The following CNMD variants were observed in gnomAD, a reference collection of about 807,000 sequenced individuals.
CNMD encodes chondromodulin.
A neutral mutation model predicts 37.5 loss-of-function variants in CNMD; 30 were observed. The observed-to-expected ratio is 0.80, with a 90% CI of 0.60 to 1.09. The LOEUF (loss-of-function observed/expected upper bound fraction) is 1.09, where lower values mean the gene tolerates loss of function less well. CNMD is among the 50% of genes least tolerant of loss of function. The probability of loss-of-function intolerance (pLI) is 0.00; values close to 1 mark genes in which losing one functional copy is unlikely to be tolerated. For synonymous variants in CNMD, 167 were observed against 148.2 expected (o/e 1.13, Z -0.92); for missense variants, 398 against 423.9 (o/e 0.94, Z 0.54).
intron 2 of CNMD, among the ~76,000 whole-genome samples, chr13:52,736,485 T>TC (rs35863816): frequency 6.6e-6 from 1 of 152,010 alleles, no homozygotes; most frequent in Admixed American, 6.6e-5. Flanking sequence ...AGTGAAGCTG[T>TC]CCCCCTCCTG....
Position 52,703,499 on chromosome 13 carries a change from A to G in CNMD, c.*96T>C, listed in dbSNP as rs891271512. Reference sequence around the variant, plus strand: ...AACCGCTCAGGTTGAGTGTAAAAATATTTTGTGGTCCTATCAGCATCAACC... The same window carrying G: ...AACCGCTCAGGTTGAGTGTAAAAATGTTTTGTGGTCCTATCAGCATCAACC... On this transcript the variant is annotated 3_prime_UTR_variant, in exon 7 of 7. Transcript: ENST00000377962. 2.5e-6 allele frequency: 2 copies of G among 801,378 alleles called. No individual in the cohort carries two copies. Among genetic ancestry groups the G allele is most frequent in the Admixed American group, 4.6e-5 (2 of 43,288 alleles). The allele number at this position is 801,378 out of a possible 1,614,324, so 49.6% of individuals were successfully genotyped here.
intron 3 of CNMD, among the ~76,000 whole-genome samples, chr13:52,730,697 A>T (rs1027533747): frequency 6.6e-6 from 1 of 152,100 alleles, no homozygotes; most frequent in Non-Finnish European, 1.5e-5. Flanking sequence ...GCTTTTTGTT[A>T]TATAAATGGG....
chr13:52,738,633 A>C (rs2138287184), intron 2 of CNMD, among the ~76,000 whole-genome samples: 1 of 152,160 alleles, frequency 6.6e-6, no homozygotes, highest in South Asian at 2.1e-4. Context: ...TGGATTTTAA[A>C]CCCACAGCCT....
In CNMD at chr13:52,731,721, A is replaced by G. The variant is rs182820926; in HGVS notation, c.354+1498T>C. Reference sequence around the variant, plus strand: ...TCTCAAGAAAGATGAATCGTTTCTTATTCGTCTTTGTAGCTCCCTTTGCAT... The same window carrying G: ...TCTCAAGAAAGATGAATCGTTTCTTGTTCGTCTTTGTAGCTCCCTTTGCAT... On this transcript the variant is annotated intron_variant, in intron 3 of 6. Transcript: ENST00000377962. Among the ~76,000 whole-genome samples, 341 of 152,368 alleles carry G rather than the reference A, an allele frequency of 2.2e-3. 1 individual carries two copies. The highest frequency in any genetic ancestry group is 6.4e-3 in the African/African-American group (266 of 41,584).
chr13:52,737,002 T>G (rs1964778866), intron 2 of CNMD, among the ~76,000 whole-genome samples: 1 of 152,176 alleles, frequency 6.6e-6, no homozygotes, highest in Non-Finnish European at 1.5e-5. Context: ...CCAGCTAAAT[T>G]TCAGTAAACC....
chr13:52,739,133 C>G lies in CNMD; in HGVS notation c.111G>C (p.Ala37=). 1 of 1,552,058 alleles carries G rather than the reference C, an allele frequency of 6.4e-7. No homozygotes were observed. Among genetic ancestry groups the G allele is most frequent in the Non-Finnish European group, 8.7e-7 (1 of 1,155,330 alleles). ...CCACGGCTCCCACCTTGAGCAGCCG[C>G]GCGGGGCTGGAGGGCTTCACCGTCA... is the stretch of plus-strand genomic sequence containing the variant. ...ATLTVKPSSP[A]RLLKVGAVVL... Residue 37 remains alanine (A), a synonymous_variant, in exon 2 of 7, where the codon GCG becomes GCC. Coordinates refer to ENST00000377962, the MANE Select transcript of CNMD (RefSeq NM_007015.3). This position sits in a 1 kb window ranked among gnomAD's most constrained non-coding sequence, Gnocchi z 5.4.
At chr13:52,708,963 C>T (rs1157629777) in intron 5 of CNMD, among the ~76,000 whole-genome samples, 1 of 152,106 alleles carries the variant, frequency 6.6e-6, no homozygotes, top group Non-Finnish European at 1.5e-5. Flanking sequence ...AACCTCAAGA[C>T]CACCTCCCCC....
intron 5 of CNMD, among the ~76,000 whole-genome samples, chr13:52,710,045 G>A (rs1411574962): frequency 6.6e-6 from 1 of 152,132 alleles, no homozygotes; most frequent in African/African-American, 2.4e-5. Context: ...CTGTAAAATG[G>A]GGATAATAGT....
chr13:52,712,932 A>G, intron 4 of CNMD, 63 bp from the exon 5 acceptor site: 1 of 1,292,840 alleles, frequency 7.7e-7, no homozygotes, highest in East Asian at 2.5e-5. Flanking sequence ...ATTAAGAGTC[A>G]TGTGTTGCTA....
intron 3 of CNMD, 59 bp downstream of exon 3, chr13:52,733,160 T>G (rs752438233): frequency 6.3e-7 from 1 of 1,583,152 alleles, no homozygotes; most frequent in Non-Finnish European, 8.7e-7. Context: ...CCTCCTTGAA[T>G]TAGAAAAGTC....
At chr13:52,725,397 C>A (rs1285598764) in intron 3 of CNMD, among the ~76,000 whole-genome samples, 1 of 152,050 alleles carries the variant, frequency 6.6e-6, no homozygotes, top group African/African-American at 2.4e-5. Flanking sequence ...TGGTTCTGAA[C>A]TTTCCTTCTA....
At chr13:52,716,667 G>T (rs1012472728) in intron 4 of CNMD, among the ~76,000 whole-genome samples, 10 of 152,080 alleles carry the variant, frequency 6.6e-5, no homozygotes, top group African/African-American at 2.4e-4. Context: ...TAGATGTGTG[G>T]CATTATTTCT....
chr13:52,718,201 T>C (rs1401763903), intron 4 of CNMD, among the ~76,000 whole-genome samples: 1 of 152,178 alleles, frequency 6.6e-6, no homozygotes, highest in Non-Finnish European at 1.5e-5. Context: ...CCCCTTATCA[T>C]TTTTTATTGT....
Position 52,712,667 on chromosome 13 carries a change from G to A in CNMD, c.622+49C>T, listed in dbSNP as rs371805564. 42 of 1,316,434 alleles carry A rather than the reference G, an allele frequency of 3.2e-5. No individual in the cohort carries two copies. The Middle Eastern group carries it at 6.8e-4, about 21-fold the overall frequency. The allele number at this position is 1,316,434 out of a possible 1,614,324, so 81.5% of individuals were successfully genotyped here. On this transcript the variant is annotated intron_variant, in intron 5 of 6. Transcript: ENST00000377962. ...GGAGGGGGTTGGAGGAACCTCACAT[G>A]CATGAACAGGGAAAGTTGTAAACAG...
At chr13:52,736,039 G>A (rs1964755711) in intron 2 of CNMD, among the ~76,000 whole-genome samples, 1 of 151,024 alleles carries the variant, frequency 6.6e-6, no homozygotes, top group South Asian at 2.1e-4. Context: ...TGTCGCCCAG[G>A]CTGGAGTGCA....
In CNMD at chr13:52,739,337, G is replaced by A; in HGVS notation, c.73-166C>T. ...CCCTTTCGCCGCGCTCCCTCCCGAG[G>A]GTCCTTTGCAGTCGGGCGTGGAAGT... On this transcript the variant is annotated intron_variant, in intron 1 of 6. Coordinates refer to ENST00000377962, the MANE Select transcript of CNMD (RefSeq NM_007015.3). This position sits in a 1 kb window ranked among gnomAD's most constrained non-coding sequence, Gnocchi z 5.4. The A allele has an allele frequency of 1.2e-6, 1 of 843,898 alleles. No homozygotes were observed. Among genetic ancestry groups the A allele is most frequent in the East Asian group, 3.2e-5 (1 of 31,610 alleles). 52.3% of individuals were successfully genotyped at this position (843,898 alleles called of 1,614,324 possible). A position where few individuals can be genotyped will look rare whatever the true frequency, so the allele number is the denominator to read the frequency against.
chr13:52,705,164 C>CT (rs1438119938), intron 6 of CNMD, among the ~76,000 whole-genome samples: 3 of 152,096 alleles, frequency 2.0e-5, no homozygotes, highest in African/African-American at 7.2e-5. Flanking sequence ...GTCAAATTTG[C>CT]TTTTCCCCTT....
At chr13:52,714,021 T>G (rs1964331246) in intron 4 of CNMD, among the ~76,000 whole-genome samples, 1 of 152,202 alleles carries the variant, frequency 6.6e-6, no homozygotes, top group Non-Finnish European at 1.5e-5. Flanking sequence ...CTAGTTCTCC[T>G]GCAGTCCAGG....
At chr13:52,737,006 G>A (rs1964779005) in intron 2 of CNMD, among the ~76,000 whole-genome samples, 1 of 152,120 alleles carries the variant, frequency 6.6e-6, no homozygotes, top group African/African-American at 2.4e-5. Context: ...CTAAATTTCA[G>A]TAAACCTGTC....
Sources: gnomAD v4.1 joint callset for allele counts (sites outside exome capture counted in the v4.1 genomes callset) on GRCh38, gnomAD v4.1.1 for gene constraint, Gnocchi (gnomAD v3.1) non-coding constraint, MANE v1.5 for transcripts, NCBI Gene and HGNC (gene_info 2026-07-23, HGNC 2026-07-21) for gene names.